UNC45B: variants seen among roughly 807,000 people sequenced by gnomAD.
UNC45B encodes the protein protein unc-45 homolog B.
In UNC45B, 78 loss-of-function variants were observed where a neutral mutation model predicts 98.7. The observed-to-expected ratio is 0.79, with a 90% confidence interval of 0.66 to 0.95. The LOEUF (loss-of-function observed/expected upper bound fraction) is 0.95. UNC45B is among the 40% of genes least tolerant of loss of function. The pLI is 0.00. For synonymous variants in UNC45B, 462 were observed against 480.4 expected (o/e 0.96, Z 0.50); for missense variants, 1,225 against 1,184.9 (o/e 1.03, Z -0.50).
intron 13 of UNC45B, among the ~76,000 whole-genome samples, chr17:35,173,957 G>A (rs574886768): frequency 1.3e-5 from 2 of 151,910 alleles, no homozygotes; most frequent in Non-Finnish European, 2.9e-5. Flanking sequence ...GACTACAGGT[G>A]CCCGCCACCA....
chr17:35,180,677 G>A lies in UNC45B; in HGVS notation c.2373+1G>A. Reference sequence around the variant, plus strand: ...GTGCAACATGGTGCTCCACAAGGAGGTGAGGCAGGGGCTCAGGATGGAGAC... The same window carrying A: ...GTGCAACATGGTGCTCCACAAGGAGATGAGGCAGGGGCTCAGGATGGAGAC... On this transcript the variant is annotated splice_donor_variant, in intron 18 of 19. Transcript: ENST00000394570. LOFTEE classifies it high-confidence loss of function. The A allele has an allele frequency of 6.2e-7, 1 of 1,612,404 alleles. No individual in the cohort carries two copies. The highest frequency in any genetic ancestry group is 8.5e-7 in the Non-Finnish European group (1 of 1,179,182).
At position 35,150,199 on chromosome 17, in the gene UNC45B, A is replaced by C; in HGVS notation, c.357A>C (p.Arg119Ser). ...RNQNFQEMLR[R>S]LNTSIQEKLR... The stretch of plus-strand genomic sequence containing the variant: ...AGAACTTCCAGGAGATGCTGAGGAG[A>C]CTCAACACCAGCATTCAGGAGAAGG... The change falls in exon 4 of 20, where the codon AGA (arginine) becomes AGC (serine). Residue 119 changes from arginine (R) to serine (S), a missense_variant. Physicochemically the swap from Arg to Ser is moderately radical, Grantham distance 110 (BLOSUM62 -1). Coordinates refer to ENST00000394570, the MANE Select transcript of UNC45B (RefSeq NM_001267052.2). 6.2e-7 allele frequency: 1 copy of C among 1,612,152 alleles called. No individual in the cohort carries two copies. Among genetic ancestry groups the C allele is most frequent in the Non-Finnish European group, 8.5e-7 (1 of 1,179,000 alleles).
intron 9 of UNC45B, among the ~76,000 whole-genome samples, chr17:35,165,894 G>A (rs777238163): frequency 1.3e-4 from 20 of 151,576 alleles, no homozygotes; most frequent in Non-Finnish European, 1.8e-4. Context: ...AGCCAAGATC[G>A]CACCACTGCA....
At chr17:35,155,776 G>A (rs1485551611) in intron 7 of UNC45B, among the ~76,000 whole-genome samples, 2 of 152,086 alleles carry the variant, frequency 1.3e-5, no homozygotes, top group Non-Finnish European at 2.9e-5. Flanking sequence ...CTTCATGTTG[G>A]CCAGGCTGGT....
intron 16 of UNC45B, among the ~76,000 whole-genome samples, 178 bp downstream of exon 16, chr17:35,177,308 C>T (rs2092241579): frequency 6.6e-6 from 1 of 152,164 alleles, no homozygotes; most frequent in Non-Finnish European, 1.5e-5. Flanking sequence ...AACCGGATTG[C>T]CCTCTCCAAA....
In UNC45B at chr17:35,164,025, A is replaced by G. The variant is rs1470072533; in HGVS notation, c.1010A>G (p.Gln337Arg). ...AGGAAGATCCTGAAGGTTGTGGGGC[A>G]GGTTCCAGATCTGCCATCCTGCCTG... ...GLRKILKVVG[Q>R]VPDLPSCLPL... is the part of the protein sequence containing the mutation. Residue 337 changes from glutamine (Q) to arginine (R), a missense_variant, in exon 9 of 20, where the codon CAG becomes CGG. Transcript: ENST00000394570. 6.2e-7 allele frequency: 1 copy of G among 1,613,832 alleles called. No homozygotes were observed. The highest frequency in any genetic ancestry group is 1.7e-5 in the Admixed American group (1 of 59,998).
At chr17:35,179,291 C>T (rs2092257419) in intron 17 of UNC45B, among the ~76,000 whole-genome samples, 1 of 152,078 alleles carries the variant, frequency 6.6e-6, no homozygotes. Flanking sequence ...AATTGGATTC[C>T]TAGGTATTTT....
intron 8 of UNC45B, among the ~76,000 whole-genome samples, chr17:35,163,395 G>A (rs1324842988): frequency 6.6e-6 from 1 of 152,182 alleles, no homozygotes; most frequent in Non-Finnish European, 1.5e-5. Flanking sequence ...AGACATGACT[G>A]TTGAATTTGC....
In UNC45B at chr17:35,183,453, GA is replaced by G; in HGVS notation, c.2402del (p.Asn801MetfsTer4). ...TACAGGAAAGGTTCTTGGCTGACGGGAATGACCGGCTGAAGCTGGTGGTGCT... is the reference window on the plus strand; with the variant it reads ...TACAGGAAAGGTTCTTGGCTGACGGGATGACCGGCTGAAGCTGGTGGTGCT... ...EVQERFLADG[N>X]DRLKLVVLLC... On this transcript the variant is annotated frameshift_variant, in exon 19 of 20. Coordinates refer to ENST00000394570, the MANE Select transcript of UNC45B (RefSeq NM_001267052.2). LOFTEE classifies it high-confidence loss of function. 1 of 1,597,560 alleles carries G rather than the reference GA, an allele frequency of 6.3e-7. No homozygotes were observed. The highest frequency in any genetic ancestry group is 8.5e-7 in the Non-Finnish European group (1 of 1,171,676).
chr17:35,155,256 G>A, intron 6 of UNC45B, 40 bp from the exon 7 acceptor site: 1 of 1,604,898 alleles, frequency 6.2e-7, no homozygotes, highest in South Asian at 1.1e-5. Flanking sequence ...CTAGAAGGGA[G>A]GGGCAAGGCA....
rs766936276 is a variant in UNC45B, at chr17:35,159,432, A to G, written c.866A>G (p.Lys289Arg). The change falls in exon 8 of 20, where the codon AAG becomes AGG. Residue 289 changes from lysine (K) to arginine (R), a missense_variant. Physicochemically the swap from Lys to Arg is conservative, Grantham distance 26. Coordinates refer to ENST00000394570, the MANE Select transcript of UNC45B (RefSeq NM_001267052.2). ...CACCTGCTGGACATGCTAGTCAGCAAGAAGGTGTCTGGCCAGGGCAGGGAT... is the reference window on the plus strand; with the variant it reads ...CACCTGCTGGACATGCTAGTCAGCAGGAAGGTGTCTGGCCAGGGCAGGGAT... ...TSHLLDMLVSKKVSGQGRDQA... is the reference protein window; with the variant it reads ...TSHLLDMLVSRKVSGQGRDQA... 6 of 1,614,070 alleles carry G rather than the reference A, an allele frequency of 3.7e-6. No homozygotes were observed. The highest frequency in any genetic ancestry group is 5.1e-6 in the Non-Finnish European group (6 of 1,180,024).
chr17:35,170,572 G>A (rs941799671), intron 12 of UNC45B, among the ~76,000 whole-genome samples: 24 of 147,776 alleles, frequency 1.6e-4, no homozygotes, highest in Non-Finnish European at 3.1e-4. Flanking sequence ...ATCGTAGCAC[G>A]TGCCTGTAAT....
intron 10 of UNC45B, among the ~76,000 whole-genome samples, chr17:35,169,421 A>G (rs1453587256): frequency 2.0e-5 from 3 of 152,162 alleles, no homozygotes; most frequent in African/African-American, 4.8e-5. Context: ...GAAAAGTCCA[A>G]TTTTCTCTGG....
At chr17:35,150,364 G>C (rs1198338327) in intron 4 of UNC45B, 141 bp downstream of exon 4, 1 of 931,268 alleles carries the variant, frequency 1.1e-6, no homozygotes, top group Non-Finnish European at 1.5e-6. Context: ...AGTGGCATGG[G>C]CAGGCTGCAC....
At chr17:35,151,992 T>G (rs997993198) in intron 4 of UNC45B, among the ~76,000 whole-genome samples, 5 of 152,194 alleles carry the variant, frequency 3.3e-5, no homozygotes, top group African/African-American at 1.2e-4. Context: ...ACGCCTGTAA[T>G]CCCAACACTT....
Position 35,168,316 on chromosome 17 carries a change from C to T in UNC45B, c.1407C>T (p.Ile469=). ...ATGGAGTGTCACTGCTCAAACAGAT[C>T]TACAAGACCACCAAAAATGAGAAGA... The part of the protein sequence containing the change: ...ITNGVSLLKQ[I]YKTTKNEKIK... Residue 469 remains isoleucine (I), a synonymous_variant, in exon 10 of 20, where the codon ATC becomes ATT. Transcript: ENST00000394570. The T allele has an allele frequency of 1.4e-6, 2 of 1,396,460 alleles. No homozygotes were observed. The highest frequency in any genetic ancestry group is 1.5e-5 in the African/African-American group (1 of 68,190). 86.5% of individuals were successfully genotyped at this position (1,396,460 alleles called of 1,614,324 possible).
intron 17 of UNC45B, among the ~76,000 whole-genome samples, chr17:35,179,006 T>C (rs1328340025): frequency 1.3e-5 from 2 of 152,202 alleles, no homozygotes; most frequent in African/African-American, 4.8e-5. Context: ...CCAGCTTTGT[T>C]CTTTTTGCTT....
chr17:35,154,265 G>T (rs2092042061), intron 5 of UNC45B, among the ~76,000 whole-genome samples: 2 of 152,244 alleles, frequency 1.3e-5, no homozygotes, highest in African/African-American at 4.8e-5. Context: ...TAACATAAGT[G>T]CAATTGGAGT....
rs1270606146 is a variant in UNC45B at position 35,169,923 on chromosome 17, G to T, written c.1539G>T (p.Gln513His). The T allele has an allele frequency of 6.2e-7, 1 of 1,614,172 alleles. No individual in the cohort carries two copies. The highest frequency in any genetic ancestry group is 1.7e-5 in the Admixed American group (1 of 60,018). The stretch of plus-strand genomic sequence containing the variant: ...GGTCGACAGAAAAACTGGCCAAACA[G>T]TGTCGCAAGTAAGGGGGCTGTGTTT... ...AEGSTEKLAK[Q>H]CRKWLCNMSI... Residue 513 changes from glutamine (Q) to histidine (H), a missense_variant, in exon 11 of 20, where the codon CAG (glutamine) becomes CAT (histidine). Coordinates refer to ENST00000394570, the MANE Select transcript of UNC45B (RefSeq NM_001267052.2).
Sources: allele counts gnomAD v4.1 joint callset (sites outside exome capture counted in the v4.1 genomes callset), GRCh38; gene constraint gnomAD v4.1.1; transcripts MANE v1.5; gene names NCBI Gene and HGNC (gene_info 2026-07-23, HGNC 2026-07-21).